The following ARHGAP31 variants were observed in gnomAD, a reference collection of about 807,000 sequenced individuals.
ARHGAP31 encodes the protein Rho GTPase activating protein 31.
Under a neutral mutation model 113.9 loss-of-function variants are expected in ARHGAP31, and 34 were observed. The ratio of observed to expected loss-of-function variants is 0.30; its 90% CI spans 0.23 to 0.40. The LOEUF (loss-of-function observed/expected upper bound fraction) is 0.40, where lower values mean the gene tolerates loss of function less well. Ranked by LOEUF, ARHGAP31 falls within the 10% of genes least tolerant of loss-of-function variation. The pLI is 1.00. For synonymous variants in ARHGAP31, 650 were observed against 684.8 expected, an observed-to-expected ratio of 0.95 and a Z score of 0.79; for missense variants, 1,548 against 1,767.1, an observed-to-expected ratio of 0.88 and a Z score of 2.22.
chr3:119,409,553 G>C lies in ARHGAP31; in HGVS notation c.1703G>C (p.Gly568Ala). The change falls in exon 11 of 12, where the codon GGG becomes GCG. Residue 568 changes from glycine to alanine, a missense_variant. By Grantham distance (60) the Gly-to-Ala change is moderately conservative (BLOSUM62 0). Coordinates refer to ENST00000264245, the MANE Select transcript of ARHGAP31 (RefSeq NM_020754.4). ...EDAKAVPEAP[G>A]TVECSKGLSQ... ...GCCAAGGCAGTACCTGAAGCACCGGGGACAGTGGAATGCAGCAAAGGCCTG... is the reference window on the plus strand; with the variant it reads ...GCCAAGGCAGTACCTGAAGCACCGGCGACAGTGGAATGCAGCAAAGGCCTG... The C allele has an allele frequency of 6.2e-7, 1 of 1,614,202 alleles. No individual in the cohort carries two copies. Among genetic ancestry groups the C allele is most frequent in the Non-Finnish European group, 8.5e-7 (1 of 1,180,036 alleles).
chr3:119,403,890 T>A (rs2080636363), intron 10 of ARHGAP31, among the ~76,000 whole-genome samples: 1 of 152,230 alleles, frequency 6.6e-6, no homozygotes, highest in Admixed American at 6.5e-5. Flanking sequence ...CTGTTTCTCA[T>A]CTGCAAAGCT....
rs1157257290 is a variant in ARHGAP31, at chr3:119,416,071, A to G, written c.4142A>G (p.Gln1381Arg). 6.2e-7 allele frequency: 1 copy of G among 1,614,202 alleles called. No individual in the cohort carries two copies. Among genetic ancestry groups the G allele is most frequent in the South Asian group, 1.1e-5 (1 of 91,078 alleles). The change falls in exon 12 of 12, where the codon CAG becomes CGG. Residue 1381 changes from glutamine (Q) to arginine (R), a missense_variant. Coordinates refer to ENST00000264245, the MANE Select transcript of ARHGAP31 (RefSeq NM_020754.4). ...CTGTCCCCTATCAGAAGTCCCACCC[A>G]GACAGTTTCCCCTGGCCTTCTTTGT... ...VLLSPIRSPT[Q>R]TVSPGLLCGE...
chr3:119,352,256 T>C (rs2080116176), intron 1 of ARHGAP31, among the ~76,000 whole-genome samples: 1 of 152,146 alleles, frequency 6.6e-6, no homozygotes, highest in Non-Finnish European at 1.5e-5. Flanking sequence ...TTTGAATCTT[T>C]TTCTCTACTC....
chr3:119,333,976 C>A (rs2079918595), intron 1 of ARHGAP31, among the ~76,000 whole-genome samples: 1 of 152,204 alleles, frequency 6.6e-6, no homozygotes, highest in African/African-American at 2.4e-5. Flanking sequence ...GTCTCAGAGT[C>A]ACTTATCAAC....
intron 1 of ARHGAP31, among the ~76,000 whole-genome samples, chr3:119,336,602 A>G (rs1034197567): frequency 2.0e-5 from 3 of 152,220 alleles, no homozygotes; most frequent in African/African-American, 7.2e-5. Context: ...TGTTGGTCTA[A>G]GTTCTAAACA....
At chr3:119,388,684 T>C (rs941450393) in intron 6 of ARHGAP31, among the ~76,000 whole-genome samples, 16 of 152,122 alleles carry the variant, frequency 1.1e-4, no homozygotes, top group Non-Finnish European at 1.8e-4. Flanking sequence ...ATAGGCTGTC[T>C]ATGGAAGGAG....
intron 7 of ARHGAP31, among the ~76,000 whole-genome samples, chr3:119,391,588 T>G (rs2080503649): frequency 1.0e-5 from 1 of 99,086 alleles, no homozygotes; most frequent in African/African-American, 5.2e-5. Context: ...CCTGGGTCTC[T>G]ACCCCCCCCT....
chr3:119,400,619 A>G (rs2080594710), intron 9 of ARHGAP31, among the ~76,000 whole-genome samples: 2 of 152,296 alleles, frequency 1.3e-5, no homozygotes, highest in East Asian at 1.9e-4. Flanking sequence ...ATATTTCAAC[A>G]TATAGGTTTT....
chr3:119,383,030 G>A, intron 5 of ARHGAP31, 54 bp from the exon 6 acceptor site: 5 of 1,608,584 alleles, frequency 3.1e-6, no homozygotes, highest in Non-Finnish European at 4.2e-6. Context: ...TCCTCTTGCT[G>A]CTTCAGGTTG....
intron 1 of ARHGAP31, among the ~76,000 whole-genome samples, chr3:119,343,418 A>G (rs115777037): frequency 0.01 from 1,579 of 152,316 alleles, 13 homozygotes; most frequent in Non-Finnish European, 0.016. Flanking sequence ...GAAGTAATAT[A>G]TGTGACATGC....
chr3:119,415,791 C>A lies in ARHGAP31; in HGVS notation c.3862C>A (p.Leu1288Ile). ...ACCCTGCATGTGCGAGGGACCTACCCTTTCTCCAGAACCAGGCTCGTCTAA... is the reference window on the plus strand; with the variant it reads ...ACCCTGCATGTGCGAGGGACCTACCATTTCTCCAGAACCAGGCTCGTCTAA... ...TAPCMCEGPT[L>I]SPEPGSSNLL... Residue 1288 changes from leucine (L) to isoleucine (I), a missense_variant, in exon 12 of 12, where the codon CTT (leucine) becomes ATT (isoleucine). By Grantham distance (5) the Leu-to-Ile change is conservative (BLOSUM62 2). Coordinates refer to ENST00000264245, the MANE Select transcript of ARHGAP31 (RefSeq NM_020754.4). 6.2e-7 allele frequency: 1 copy of A among 1,614,248 alleles called. No homozygotes were observed. Among genetic ancestry groups the A allele is most frequent in the East Asian group, 2.2e-5 (1 of 44,892 alleles).
rs780519327 is a variant in ARHGAP31 at position 119,409,715 on chromosome 3, A to G, written c.1865A>G (p.Glu622Gly). ...GAGGGACGAGAGGCTGGTGAGATGGAGTCCAGCACCCTGCAGGAGAGCCCC... is the reference window on the plus strand; with the variant it reads ...GAGGGACGAGAGGCTGGTGAGATGGGGTCCAGCACCCTGCAGGAGAGCCCC... ...VEEGREAGEM[E>G]SSTLQESPRA... The change falls in exon 11 of 12, where the codon GAG (glutamate) becomes GGG (glycine). Residue 622 changes from glutamate to glycine, a missense_variant. Transcript: ENST00000264245. The G allele has an allele frequency of 4.3e-6, 7 of 1,609,756 alleles. No individual in the cohort carries two copies. In the African/African-American group the frequency reaches 9.3e-5, roughly 22 times the overall value.
intron 1 of ARHGAP31, among the ~76,000 whole-genome samples, chr3:119,351,745 C>T (rs1160146596): frequency 6.6e-6 from 1 of 152,180 alleles, no homozygotes; most frequent in Non-Finnish European, 1.5e-5. Context: ...TTAATCTGCT[C>T]AGTTCACGAC....
intron 1 of ARHGAP31, among the ~76,000 whole-genome samples, chr3:119,362,393 C>T (rs2080216031): frequency 6.6e-6 from 1 of 152,188 alleles, no homozygotes. Flanking sequence ...TTCCTACATG[C>T]ACAGAAAAGA....
chr3:119,381,189 A>G (rs1203116611), intron 4 of ARHGAP31, among the ~76,000 whole-genome samples: 2 of 152,168 alleles, frequency 1.3e-5, no homozygotes, highest in Non-Finnish European at 2.9e-5. Flanking sequence ...AGGAGAAGCC[A>G]GTCTCCAAAT....
At chr3:119,319,125 G>A (rs1175759402) in intron 1 of ARHGAP31, among the ~76,000 whole-genome samples, 3 of 151,230 alleles carry the variant, frequency 2.0e-5, no homozygotes, top group Non-Finnish European at 2.9e-5. Flanking sequence ...TCCAAAGCTC[G>A]GCTCAAACGC....
chr3:119,395,497 G>A (rs1326852069), intron 8 of ARHGAP31, among the ~76,000 whole-genome samples: 2 of 152,204 alleles, frequency 1.3e-5, no homozygotes, highest in Non-Finnish European at 2.9e-5. Context: ...TTCCTTTGCT[G>A]TGGCAAAGTG....
chr3:119,332,544 A>G (rs554459184), intron 1 of ARHGAP31, among the ~76,000 whole-genome samples: 8 of 150,748 alleles, frequency 5.3e-5, no homozygotes, highest in African/African-American at 1.7e-4. Flanking sequence ...GCTGTAGCCA[A>G]TCCTCCAGAT....
At chr3:119,332,829 T>C (rs2079907312) in intron 1 of ARHGAP31, among the ~76,000 whole-genome samples, 1 of 152,126 alleles carries the variant, frequency 6.6e-6, no homozygotes, top group South Asian at 2.1e-4. Flanking sequence ...TTCCTGACAG[T>C]GCTAAGCAGA....
Sources: allele counts gnomAD v4.1 joint callset (sites outside exome capture counted in the v4.1 genomes callset), GRCh38; gene constraint gnomAD v4.1.1; transcripts MANE v1.5; gene names NCBI Gene and HGNC (gene_info 2026-07-23, HGNC 2026-07-21).